Variants in TMEM131L observed in about 807,000 individuals in gnomAD.
The protein encoded by TMEM131L is transmembrane protein 131-like.
In TMEM131L, 54 loss-of-function variants were observed where a neutral mutation model predicts 192.2. That is an observed-to-expected ratio of 0.28 (90% CI 0.23 to 0.35). TMEM131L has a LOEUF of 0.35. Among genes scored for constraint, TMEM131L ranks in the 10% least tolerant of loss-of-function variants. The pLI is 1.00. For synonymous variants in TMEM131L, 701 were observed against 704.9 expected, an observed-to-expected ratio of 0.99 and a Z score of 0.09; for missense variants, 1,888 against 1,972.9, an observed-to-expected ratio of 0.96 and a Z score of 0.82.
At position 153,586,193 on chromosome 4, in the gene TMEM131L, C is replaced by T. The variant is rs1206263550; in HGVS notation, c.1312-16C>T. 6 of 1,528,630 alleles carry T rather than the reference C, an allele frequency of 3.9e-6. No homozygotes were observed. The East Asian group carries it at 1.4e-4, about 37-fold the overall frequency. 94.7% of individuals were successfully genotyped at this position (1,528,630 alleles called of 1,614,324 possible). On this transcript the variant is annotated splice_polypyrimidine_tract_variant and intron_variant, in intron 13 of 34. Transcript: ENST00000409959. ...GTGTTAGGAAAAGTAATTTCTCTTG[C>T]TTCTTTTCTTTTTAGATTCTGAATT... is the stretch of plus-strand genomic sequence containing the variant.
chr4:153,492,948 A>G lies in TMEM131L; in HGVS notation c.239+19060A>G, dbSNP rs543980039. 5.0e-4 allele frequency among the ~76,000 whole-genome samples: 76 copies of G among 152,294 alleles called. 2 individuals are homozygous for G. The highest frequency in any genetic ancestry group is 4.6e-3 in the Admixed American group (70 of 15,278). On this transcript the variant is annotated intron_variant, in intron 3 of 34. Transcript: ENST00000409959. The stretch of plus-strand genomic sequence containing the variant: ...GGAAAGGAAGGTCAGGAATGAGCCA[A>G]GGCTGGGAGATCAGATGGTGAGATA...
In TMEM131L at chr4:153,490,726, C is replaced by T. The variant is rs192563216; in HGVS notation, c.239+16838C>T. Reference sequence around the variant, plus strand: ...ATCCCAGCACTTTGGGAGGCCGAGGCGGGTGGATCATGAGATCATTAGATC... The same window carrying T: ...ATCCCAGCACTTTGGGAGGCCGAGGTGGGTGGATCATGAGATCATTAGATC... On this transcript the variant is annotated intron_variant, in intron 3 of 34. Transcript: ENST00000409959. 2.5e-3 allele frequency among the ~76,000 whole-genome samples: 377 copies of T among 151,862 alleles called. 2 individuals are homozygous for T. Among genetic ancestry groups the T allele is most frequent in the African/African-American group, 8.7e-3 (361 of 41,418 alleles).
At chr4:153,606,166 T>G (rs1030734700) in intron 25 of TMEM131L, among the ~76,000 whole-genome samples, 1 of 152,242 alleles carries the variant, frequency 6.6e-6, no homozygotes, top group African/African-American at 2.4e-5. Flanking sequence ...CCAGACACTC[T>G]CTGGGGTCTA....
intron 3 of TMEM131L, among the ~76,000 whole-genome samples, chr4:153,499,507 A>G (rs926180182): frequency 1.1e-4 from 16 of 150,968 alleles, no homozygotes; most frequent in South Asian, 2.1e-4. Flanking sequence ...GCTCACTACA[A>G]CCTCTGCCTC....
chr4:153,534,615 A>G (rs1015015220), intron 3 of TMEM131L, among the ~76,000 whole-genome samples: 4 of 152,060 alleles, frequency 2.6e-5, no homozygotes, highest in African/African-American at 9.7e-5. Context: ...TTGTATTTTT[A>G]GTAGAGACGG....
intron 3 of TMEM131L, among the ~76,000 whole-genome samples, chr4:153,474,188 C>T (rs1212051484): frequency 4.6e-5 from 7 of 152,176 alleles, no homozygotes; most frequent in South Asian, 2.1e-4. Context: ...TGCCAGGCAC[C>T]GTGCTGGGTG....
chr4:153,488,911 A>G (rs919112018), intron 3 of TMEM131L, among the ~76,000 whole-genome samples: 7 of 152,026 alleles, frequency 4.6e-5, no homozygotes, highest in Non-Finnish European at 7.4e-5. Context: ...CTTGTCGCAC[A>G]GCGCTCTCCC....
intron 24 of TMEM131L, 92 bp from the exon 25 acceptor site, chr4:153,603,710 G>A (rs2126386574): frequency 7.3e-7 from 1 of 1,375,948 alleles, no homozygotes; most frequent in Non-Finnish European, 9.9e-7. Flanking sequence ...ACTCAGTACT[G>A]ATTGCTACCC....
At chr4:153,511,826 A>G (rs190134012) in intron 3 of TMEM131L, among the ~76,000 whole-genome samples, 3 of 152,328 alleles carry the variant, frequency 2.0e-5, no homozygotes, top group Admixed American at 6.5e-5. Flanking sequence ...TCTCATTAAG[A>G]TACTCGTTTC....
chr4:153,607,280 T>C (rs1578855064), intron 25 of TMEM131L, among the ~76,000 whole-genome samples: 1 of 152,228 alleles, frequency 6.6e-6, no homozygotes, highest in East Asian at 1.9e-4. Context: ...AGCATATATA[T>C]AAGAACCTTT....
At chr4:153,598,810 ATTTTAAATTCTAAAATTTTAAAT>A (rs565672170) in intron 21 of TMEM131L, 78 bp downstream of exon 21, 33 of 1,192,146 alleles carry the variant, frequency 2.8e-5, no homozygotes, top group South Asian at 2.6e-4. Context: ...TAAATTCTAA[ATTTTAAATTCTAAAATTTTAAAT>A]TTTTAAATTC....
At chr4:153,577,533 A>G (rs935147680) in intron 7 of TMEM131L, among the ~76,000 whole-genome samples, 8 of 152,222 alleles carry the variant, frequency 5.3e-5, no homozygotes, top group African/African-American at 1.4e-4. Context: ...AGGCAATAGT[A>G]GACAGTCCAT....
At chr4:153,556,834 A>C in intron 5 of TMEM131L, 132 bp from the exon 6 acceptor site, 36 of 554,644 alleles carry the variant, frequency 6.5e-5, no homozygotes, top group East Asian at 2.2e-4. Context: ...ATTCTTAGGG[A>C]TTCATAATAC....
chr4:153,497,460 C>G (rs1261329118), intron 3 of TMEM131L, among the ~76,000 whole-genome samples: 1 of 152,146 alleles, frequency 6.6e-6, no homozygotes, highest in Non-Finnish European at 1.5e-5. Context: ...CCTCCCCTGG[C>G]CTCTGAGATA....
At chr4:153,587,914 G>T in intron 15 of TMEM131L, 103 bp downstream of exon 15, 1 of 852,962 alleles carries the variant, frequency 1.2e-6, no homozygotes, top group Non-Finnish European at 2.0e-6. Flanking sequence ...TTCTGTAAAG[G>T]CATCATATTC....
chr4:153,494,509 T>C (rs1368754613), intron 3 of TMEM131L, among the ~76,000 whole-genome samples: 1 of 152,190 alleles, frequency 6.6e-6, no homozygotes, highest in Non-Finnish European at 1.5e-5. Context: ...TATTATGCCA[T>C]AAGGTACATT....
At chr4:153,483,569 G>A (rs1247434416) in intron 3 of TMEM131L, among the ~76,000 whole-genome samples, 10 of 152,116 alleles carry the variant, frequency 6.6e-5, no homozygotes, top group Non-Finnish European at 1.3e-4. Flanking sequence ...GCGTGGTGAT[G>A]TGCACCTATA....
In TMEM131L at chr4:153,592,398, A is replaced by G. The variant is rs1371157; in HGVS notation, c.1813-77A>G. 272 of 906,308 alleles carry G rather than the reference A, an allele frequency of 3.0e-4. 3 individuals are homozygous for G. The East Asian group carries it at 5.3e-3, about 18-fold the overall frequency. 56.1% of individuals were successfully genotyped at this position (906,308 alleles called of 1,614,324 possible). ...CATGATATTTCCTCATGATTAGGTT[A>G]TGCTTTTTGGCCAGAATATCTCAGG... On this transcript the variant is annotated intron_variant, in intron 17 of 34. Transcript: ENST00000409959.
chr4:153,478,013 T>A (rs1469400356), intron 3 of TMEM131L, among the ~76,000 whole-genome samples: 2 of 152,236 alleles, frequency 1.3e-5, no homozygotes, highest in East Asian at 3.8e-4. Context: ...ACTCAGTACA[T>A]CATAGTTCAC....
Sources: gnomAD v4.1 joint callset for allele counts (sites outside exome capture counted in the v4.1 genomes callset) on GRCh38, gnomAD v4.1.1 for gene constraint, MANE v1.5 for transcripts, NCBI Gene and HGNC (gene_info 2026-07-23, HGNC 2026-07-21) for gene names.